The following GPR39 variants were observed in gnomAD, a reference collection of about 807,000 sequenced individuals.
GPR39 encodes G protein-coupled receptor 39.
In GPR39, 23 loss-of-function variants were observed where a neutral mutation model predicts 18.4. The ratio of observed to expected loss-of-function variants is 1.25; its 90% CI spans 0.90 to 1.77. The LOEUF is 1.77. GPR39 is among the 40% of genes most tolerant of loss of function. The probability of loss-of-function intolerance (pLI) is 0.00; values close to 1 mark genes in which losing one functional copy is unlikely to be tolerated. For missense variants in GPR39, 647 were observed against 602.4 expected (o/e 1.07, Z -0.78); for synonymous variants, 280 against 257.9 (o/e 1.09, Z -0.82).
intron 1 of GPR39, among the ~76,000 whole-genome samples, chr2:132,633,975 G>A (rs1473003515): frequency 7.0e-6 from 1 of 143,182 alleles, no homozygotes; most frequent in Non-Finnish European, 1.5e-5. Flanking sequence ...AAACAGTGGA[G>A]TTGGTGTAGA....
chr2:132,557,028 A>G (rs1680164225), intron 1 of GPR39, among the ~76,000 whole-genome samples: 1 of 152,078 alleles, frequency 6.6e-6, no homozygotes, highest in Admixed American at 6.6e-5. Context: ...TTAAACCTTA[A>G]CTTATGGCCA....
chr2:132,596,868 C>T (rs1366492861), intron 1 of GPR39, among the ~76,000 whole-genome samples: 2 of 152,162 alleles, frequency 1.3e-5, no homozygotes, highest in African/African-American at 2.4e-5. Context: ...CATGTATATC[C>T]CAGGTTGAGA....
At chr2:132,542,161 G>C (rs1679871687) in intron 1 of GPR39, among the ~76,000 whole-genome samples, 1 of 152,108 alleles carries the variant, frequency 6.6e-6, no homozygotes, top group African/African-American at 2.4e-5. Context: ...TCTATAGCAG[G>C]TGGACAGGAA....
At position 132,645,089 on chromosome 2, in the gene GPR39, G is replaced by A. The variant is rs372232546; in HGVS notation, c.857-12G>A. ...TTTTCTCTGTCTCTCCCTCCTGCTC[G>A]TGTCTGCCCAGGGCTGATTGTTGTG... On this transcript the variant is annotated splice_polypyrimidine_tract_variant and intron_variant, in intron 1 of 1. Transcript: ENST00000329321. 3.5e-5 allele frequency: 56 copies of A among 1,600,178 alleles called. No homozygotes were observed. Among genetic ancestry groups the A allele is most frequent in the East Asian group, 4.5e-5 (2 of 44,670 alleles).
At chr2:132,586,461 G>A (rs1041200268) in intron 1 of GPR39, among the ~76,000 whole-genome samples, 2 of 152,172 alleles carry the variant, frequency 1.3e-5, no homozygotes, top group African/African-American at 2.4e-5. Context: ...GGAATTTGCT[G>A]TACCATCTGT....
chr2:132,593,809 G>A (rs993127166), intron 1 of GPR39, among the ~76,000 whole-genome samples: 1 of 152,126 alleles, frequency 6.6e-6, no homozygotes, highest in Non-Finnish European at 1.5e-5. Flanking sequence ...ACATTAGAGA[G>A]ATATTTGAGG....
chr2:132,630,270 T>A (rs542860541), intron 1 of GPR39, among the ~76,000 whole-genome samples: 2 of 152,252 alleles, frequency 1.3e-5, no homozygotes, highest in East Asian at 3.9e-4. Context: ...CAGGAAGGCC[T>A]AACAAGGAGG....
At chr2:132,522,041 C>T (rs74608390) in intron 1 of GPR39, among the ~76,000 whole-genome samples, 13 of 152,250 alleles carry the variant, frequency 8.5e-5, no homozygotes, top group East Asian at 5.8e-4. Context: ...TGTGTAAATG[C>T]GACTTAAACT....
Position 132,610,543 on chromosome 2 carries a change from G to A in GPR39, c.857-34558G>A, listed in dbSNP as rs752095226. On this transcript the variant is annotated intron_variant, in intron 1 of 1. Transcript: ENST00000329321. ...TGTAATCTTAGCACTTTGGGAAGCC[G>A]AGGTGGGTGGATCACTTGAGGTCAG... Among the ~76,000 whole-genome samples the A allele has an allele frequency of 5.4e-4, 82 of 152,020 alleles. 1 individual carries two copies. The highest frequency in any genetic ancestry group is 6.6e-4 in the Admixed American group (10 of 15,252).
intron 1 of GPR39, among the ~76,000 whole-genome samples, chr2:132,611,385 C>G (rs1451507346): frequency 1.3e-5 from 2 of 152,198 alleles, no homozygotes; most frequent in South Asian, 4.1e-4. Flanking sequence ...GTAAAGCACT[C>G]TTTCTCACTG....
chr2:132,435,103 A>C (rs1178453325), intron 1 of GPR39, among the ~76,000 whole-genome samples: 1 of 152,180 alleles, frequency 6.6e-6, no homozygotes. Flanking sequence ...ACAGACACTG[A>C]AAGTAAAGCA....
At chr2:132,558,296 G>A (rs982787148) in intron 1 of GPR39, among the ~76,000 whole-genome samples, 1 of 152,148 alleles carries the variant, frequency 6.6e-6, no homozygotes, top group East Asian at 1.9e-4. Context: ...AGGAGGAAAT[G>A]AGAATGTGTG....
chr2:132,468,192 A>C (rs1028595486), intron 1 of GPR39, among the ~76,000 whole-genome samples: 4 of 152,234 alleles, frequency 2.6e-5, no homozygotes, highest in Admixed American at 6.5e-5. Context: ...ACATATTTCA[A>C]GTACCTGTGG....
In GPR39 at chr2:132,483,656, C is replaced by G. The variant is rs369470536; in HGVS notation, c.856+65758C>G. Among the ~76,000 whole-genome samples the G allele has an allele frequency of 6.5e-4, 99 of 152,254 alleles. 1 individual carries two copies. In the South Asian group the frequency reaches 0.016, roughly 25 times the overall value. ...TAGCCCTTGCTGGAGTTGTTTTAGT[C>G]CAGGACACAGTTGCTTTTCAGTTTG... On this transcript the variant is annotated intron_variant, in intron 1 of 1. Coordinates refer to ENST00000329321, the MANE Select transcript of GPR39 (RefSeq NM_001508.3).
At chr2:132,546,372 G>T (rs1228332010) in intron 1 of GPR39, among the ~76,000 whole-genome samples, 1 of 152,200 alleles carries the variant, frequency 6.6e-6, no homozygotes, top group Non-Finnish European at 1.5e-5. Flanking sequence ...CTATAGTAGG[G>T]ACAAGAACTG....
chr2:132,539,639 T>C (rs1475672854), intron 1 of GPR39, among the ~76,000 whole-genome samples: 1 of 152,176 alleles, frequency 6.6e-6, no homozygotes, highest in African/African-American at 2.4e-5. Flanking sequence ...TTGTTCATAA[T>C]GTTGCAGGCC....
chr2:132,437,887 ACTT>A (rs1418522007), intron 1 of GPR39, among the ~76,000 whole-genome samples: 1 of 152,222 alleles, frequency 6.6e-6, no homozygotes, highest in Non-Finnish European at 1.5e-5. Flanking sequence ...CGGGCAACAT[ACTT>A]GACCTCTGAG....
intron 1 of GPR39, among the ~76,000 whole-genome samples, chr2:132,458,357 A>G (rs1439665088): frequency 6.6e-6 from 1 of 150,704 alleles, no homozygotes; most frequent in African/African-American, 2.4e-5. Flanking sequence ...ACTTATTTCC[A>G]GATTTTTCTT....
intron 1 of GPR39, among the ~76,000 whole-genome samples, chr2:132,520,374 A>T (rs1300041506): frequency 6.6e-5 from 10 of 152,208 alleles, no homozygotes; most frequent in African/African-American, 2.4e-4. Context: ...CTTCATGCCA[A>T]GCTCAGTGCC....
Sources: allele counts gnomAD v4.1 joint callset (sites outside exome capture counted in the v4.1 genomes callset), GRCh38; gene constraint gnomAD v4.1.1; transcripts MANE v1.5; gene names NCBI Gene and HGNC (gene_info 2026-07-23, HGNC 2026-07-21).